Variants in GRAMD1B observed in about 807,000 individuals in gnomAD.
GRAMD1B encodes the protein GRAM domain containing 1B, also known as protein Aster-B.
In GRAMD1B, 37 loss-of-function variants were observed where a neutral mutation model predicts 99.7. The observed-to-expected ratio is 0.37, with a 90% confidence interval of 0.29 to 0.49. The LOEUF (loss-of-function observed/expected upper bound fraction) is 0.49. Among genes scored for constraint, GRAMD1B ranks in the 20% least tolerant of loss-of-function variants. The pLI, the probability that GRAMD1B is intolerant of heterozygous loss-of-function variation, is 0.98. For synonymous variants in GRAMD1B, 427 were observed against 387.6 expected, an observed-to-expected ratio of 1.10 and a Z score of -1.19; for missense variants, 888 against 1,009.2, an observed-to-expected ratio of 0.88 and a Z score of 1.63.
intron 2 of GRAMD1B, among the ~76,000 whole-genome samples, chr11:123,564,925 T>A (rs1024975035): frequency 6.6e-6 from 1 of 152,240 alleles, no homozygotes; most frequent in African/African-American, 2.4e-5. Context: ...CACAAGGTTC[T>A]ATTCCCTTGA....
At chr11:123,388,907 T>C (rs1476658824) in intron 1 of GRAMD1B, among the ~76,000 whole-genome samples, 1 of 152,178 alleles carries the variant, frequency 6.6e-6, no homozygotes, top group East Asian at 1.9e-4. Flanking sequence ...TCATGTGTTT[T>C]GTTACAGCAT....
At chr11:123,374,491 A>G (rs1946629714) in intron 1 of GRAMD1B, among the ~76,000 whole-genome samples, 1 of 152,224 alleles carries the variant, frequency 6.6e-6, no homozygotes. Flanking sequence ...TCTTTGGAAT[A>G]AAAGCCTGAG....
chr11:123,482,102 A>AT (rs779027289), intron 2 of GRAMD1B, among the ~76,000 whole-genome samples: 111 of 147,280 alleles, frequency 7.5e-4, no homozygotes, highest in African/African-American at 1.1e-3. Flanking sequence ...TTAATTTTTA[A>AT]TTTTTTTTTT....
chr11:123,450,550 C>A (rs190221577), intron 1 of GRAMD1B, among the ~76,000 whole-genome samples: 2 of 152,108 alleles, frequency 1.3e-5, no homozygotes, highest in Admixed American at 1.3e-4. Context: ...TGTTTAAAAG[C>A]GAATTATTTG....
intron 1 of GRAMD1B, among the ~76,000 whole-genome samples, chr11:123,383,047 T>C (rs61904730): frequency 0.085 from 12,901 of 152,164 alleles, 714 homozygotes; most frequent in African/African-American, 0.15. Flanking sequence ...TGTGGGGCTG[T>C]GTAGCAAGAT....
rs73029849 is a variant in GRAMD1B at position 123,603,382 on chromosome 11, G to A, written c.1051-44G>A. On this transcript the variant is annotated intron_variant, in intron 8 of 19. Transcript: ENST00000635736. ...TCAGTGCCTCTGTGCAGAGTCGGGG[G>A]ACCTGAGGGAGCAAGGCTCAGTCGT... 8.4e-6 allele frequency: 10 copies of A among 1,194,356 alleles called. No individual in the cohort carries two copies. In the South Asian group the frequency reaches 8.6e-5, roughly 10 times the overall value. The allele number at this position is 1,194,356 out of a possible 1,614,324, so 74.0% of individuals were successfully genotyped here. A position where few individuals can be genotyped will look rare whatever the true frequency, so the allele number is the denominator to read the frequency against.
chr11:123,560,412 G>A (rs1946608019), intron 2 of GRAMD1B: 2 of 1,179,978 alleles, frequency 1.7e-6, no homozygotes, highest in Non-Finnish European at 2.1e-6. Flanking sequence ...GGGGAGTCAT[G>A]CTTAAAATGC....
chr11:123,395,981 A>G (rs1193046795), intron 1 of GRAMD1B, among the ~76,000 whole-genome samples: 6 of 152,210 alleles, frequency 3.9e-5, no homozygotes, highest in South Asian at 2.1e-4. Context: ...ACTGTAATCT[A>G]TTTATTAGTA....
intron 2 of GRAMD1B, among the ~76,000 whole-genome samples, chr11:123,491,186 A>T (rs1287564785): frequency 6.6e-6 from 1 of 152,308 alleles, no homozygotes; most frequent in East Asian, 1.9e-4. Context: ...TACAAAAATT[A>T]GCAGGTGTGG....
chr11:123,567,899 C>T (rs1012053882), intron 2 of GRAMD1B, among the ~76,000 whole-genome samples: 4 of 152,206 alleles, frequency 2.6e-5, no homozygotes, highest in African/African-American at 7.2e-5. Context: ...AAAAACTTTC[C>T]GTGAACTTTG....
chr11:123,410,736 A>T (rs1423284036), intron 1 of GRAMD1B, among the ~76,000 whole-genome samples: 1 of 152,170 alleles, frequency 6.6e-6, no homozygotes, highest in Non-Finnish European at 1.5e-5. Context: ...GAACTTCCAG[A>T]TCACTTTACG....
In GRAMD1B at chr11:123,422,747, G is replaced by T. The variant is rs115156779; in HGVS notation, c.-175-58069G>T. ...ATGCCTCTGCACATGTGGGTCTTCT[G>T]CTGGAAATATGACCCCCTTGTTCAA... On this transcript the variant is annotated intron_variant, in intron 1 of 20. Coordinates refer to the GRAMD1B transcript ENST00000638157. Among the ~76,000 whole-genome samples, 1,342 of 152,264 alleles carry T rather than the reference G, an allele frequency of 8.8e-3. 15 individuals carry two copies. The highest frequency in any genetic ancestry group is 0.031 in the African/African-American group (1,283 of 41,538).
chr11:123,497,312 G>A (rs1939396087), intron 2 of GRAMD1B, among the ~76,000 whole-genome samples: 1 of 152,194 alleles, frequency 6.6e-6, no homozygotes, highest in South Asian at 2.1e-4. Context: ...ACTGAGAGTA[G>A]GGAAACAGAA....
intron 14 of GRAMD1B, among the ~76,000 whole-genome samples, chr11:123,612,377 A>G (rs955599624): frequency 3.3e-5 from 5 of 152,198 alleles, no homozygotes; most frequent in Non-Finnish European, 7.3e-5. Flanking sequence ...GAGCCGTCTT[A>G]CTTTCTTTCA....
chr11:123,618,676 C>T lies in GRAMD1B; in HGVS notation c.2319-17C>T. The T allele has an allele frequency of 7.1e-7, 1 of 1,412,770 alleles. No homozygotes were observed. The highest frequency in any genetic ancestry group is 9.9e-7 in the Non-Finnish European group (1 of 1,012,306). The allele number at this position is 1,412,770 out of a possible 1,614,324, so 87.5% of individuals were successfully genotyped here. A position where few individuals can be genotyped will look rare whatever the true frequency, so the allele number is the denominator to read the frequency against. On this transcript the variant is annotated splice_polypyrimidine_tract_variant and intron_variant, in intron 17 of 19. Coordinates refer to ENST00000635736, the MANE Select transcript of GRAMD1B (RefSeq NM_001387025.1). ...CATCTCACTGCTGATGTTTTTTTCCCCACGTCTCCTTCCTAGTCTGGTGCT... is the reference window on the plus strand; with the variant it reads ...CATCTCACTGCTGATGTTTTTTTCCTCACGTCTCCTTCCTAGTCTGGTGCT...
At chr11:123,465,708 G>A (rs1376912333) in intron 1 of GRAMD1B, among the ~76,000 whole-genome samples, 1 of 151,588 alleles carries the variant, frequency 6.6e-6, no homozygotes, top group Non-Finnish European at 1.5e-5. Context: ...GGCGGAGGTT[G>A]CAGTAAGCTG....
At chr11:123,442,802 AC>A (rs1949469474) in intron 1 of GRAMD1B, among the ~76,000 whole-genome samples, 1 of 151,304 alleles carries the variant, frequency 6.6e-6, no homozygotes, top group South Asian at 2.1e-4. Context: ...AATAATGGCT[AC>A]TCTTTTTCTG....
In GRAMD1B at chr11:123,522,180, A is replaced by G. The variant is rs889137605; in HGVS notation, c.452+41287A>G. Among the ~76,000 whole-genome samples, 9 of 152,322 alleles carry G rather than the reference A, an allele frequency of 5.9e-5. 1 individual carries two copies. The highest frequency in any genetic ancestry group is 1.3e-4 in the Admixed American group (2 of 15,304). ...TTATTGGCCAGGAACTTTTCAAACC[A>G]TGGAGACTGCTTTCCGTGAGAAGAT... On this transcript the variant is annotated intron_variant, in intron 2 of 19. Transcript: ENST00000635736.
At chr11:123,601,490 A>G (rs1316600758) in intron 8 of GRAMD1B, among the ~76,000 whole-genome samples, 4 of 151,118 alleles carry the variant, frequency 2.6e-5, no homozygotes, top group Non-Finnish European at 5.9e-5. Flanking sequence ...ACACACACAT[A>G]ATGTTTCCCC....
Sources: gnomAD v4.1 joint callset for allele counts (sites outside exome capture counted in the v4.1 genomes callset) on GRCh38, gnomAD v4.1.1 for gene constraint, MANE v1.5 for transcripts, NCBI Gene and HGNC (gene_info 2026-07-23, HGNC 2026-07-21) for gene names.